PCDH7: variants seen among roughly 807,000 people sequenced by gnomAD.
PCDH7 encodes the protein protocadherin-7.
PCDH7 carries 17 observed loss-of-function variants against 58.9 expected under a neutral mutation model. The ratio of observed to expected loss-of-function variants is 0.29; its 90% CI spans 0.20 to 0.43. The LOEUF is 0.43. PCDH7 is among the 20% of genes least tolerant of loss of function. The pLI is 1.00. For missense variants in PCDH7, 1,274 were observed against 1,441.0 expected (o/e 0.88, Z 1.88); for synonymous variants, 664 against 616.4 (o/e 1.08, Z -1.14).
At chr4:31,082,828 A>C (rs557218589) in intron 3 of PCDH7, among the ~76,000 whole-genome samples, 1 of 152,190 alleles carries the variant, frequency 6.6e-6, no homozygotes, top group East Asian at 1.9e-4. Flanking sequence ...AGGGCCGGGC[A>C]CGGTGGCTCA....
chr4:31,039,352 T>C (rs1755663030), intron 3 of PCDH7, among the ~76,000 whole-genome samples: 1 of 152,224 alleles, frequency 6.6e-6, no homozygotes, highest in South Asian at 2.1e-4. Context: ...TGAAGTAAAA[T>C]AGTCTGTTGG....
chr4:30,893,822 T>C (rs570308047), intron 1 of PCDH7, among the ~76,000 whole-genome samples: 20 of 152,108 alleles, frequency 1.3e-4, no homozygotes, highest in Admixed American at 1.2e-3. Context: ...ATATGAAAAA[T>C]TGACTCTGCT....
intron 1 of PCDH7, among the ~76,000 whole-genome samples, chr4:30,871,588 C>G (rs746611094): frequency 2.0e-5 from 3 of 152,060 alleles, no homozygotes; most frequent in African/African-American, 7.2e-5. Flanking sequence ...AACAAAGTGT[C>G]GATGATCAGC....
intron 1 of PCDH7, among the ~76,000 whole-genome samples, chr4:30,754,018 T>C (rs1718927512): frequency 6.6e-6 from 1 of 152,222 alleles, no homozygotes; most frequent in African/African-American, 2.4e-5. Context: ...TTTTAAAATA[T>C]ATTTTTATAA....
chr4:30,973,351 G>A (rs1418811492), intron 3 of PCDH7, among the ~76,000 whole-genome samples: 1 of 152,086 alleles, frequency 6.6e-6, no homozygotes, highest in African/African-American at 2.4e-5. Flanking sequence ...GTATTACCTG[G>A]GGAGATGAGT....
intron 3 of PCDH7, among the ~76,000 whole-genome samples, chr4:31,117,413 A>G (rs1717133795): frequency 6.6e-6 from 1 of 151,972 alleles, no homozygotes; most frequent in Non-Finnish European, 1.5e-5. Flanking sequence ...CACGTTCAAG[A>G]CTCCCATATA....
intron 1 of PCDH7, among the ~76,000 whole-genome samples, chr4:30,852,080 C>G (rs188690457): frequency 4.6e-5 from 7 of 152,162 alleles, no homozygotes; most frequent in Admixed American, 3.9e-4. Flanking sequence ...TTAACCTCAA[C>G]AAAGCACCTA....
At chr4:31,024,572 A>T in intron 3 of PCDH7, among the ~76,000 whole-genome samples, 1 of 152,178 alleles carries the variant, frequency 6.6e-6, no homozygotes, top group East Asian at 1.9e-4. Flanking sequence ...AATACTGAAG[A>T]TGGATATATT....
chr4:30,821,535 G>T (rs13145415), intron 1 of PCDH7, among the ~76,000 whole-genome samples: 17,367 of 152,256 alleles, frequency 0.11, 1,278 homozygotes, highest in Middle Eastern at 0.2. Flanking sequence ...TCAAGGTCTC[G>T]TTCAGATGCT....
intron 3 of PCDH7, among the ~76,000 whole-genome samples, chr4:31,090,148 G>T (rs1025794298): frequency 1.3e-5 from 2 of 151,964 alleles, no homozygotes; most frequent in African/African-American, 4.8e-5. Context: ...AGCTTATTCA[G>T]GTCATTGTAC....
intron 3 of PCDH7, among the ~76,000 whole-genome samples, chr4:31,045,078 T>C (rs2109210907): frequency 6.6e-6 from 1 of 152,204 alleles, no homozygotes; most frequent in Admixed American, 6.5e-5. Flanking sequence ...AGCATATTAA[T>C]GAATGATTTG....
At chr4:31,036,063 A>G (rs1560592794) in intron 3 of PCDH7, among the ~76,000 whole-genome samples, 6 of 152,234 alleles carry the variant, frequency 3.9e-5, no homozygotes, top group Admixed American at 1.3e-4. Flanking sequence ...TAGAAACTTT[A>G]TAAGGTATTA....
intron 1 of PCDH7, among the ~76,000 whole-genome samples, chr4:30,859,574 G>A (rs1733927849): frequency 6.6e-6 from 1 of 151,728 alleles, no homozygotes; most frequent in Admixed American, 6.6e-5. Context: ...CGAGTAGCTG[G>A]GATTACAGGC....
intron 3 of PCDH7, among the ~76,000 whole-genome samples, chr4:31,016,853 G>T (rs1348692229): frequency 6.8e-6 from 1 of 147,986 alleles, no homozygotes; most frequent in Non-Finnish European, 1.5e-5. Context: ...GTGTGTGCTG[G>T]GTGTGTGTGT....
At chr4:30,861,272 AC>A (rs1306424629) in intron 1 of PCDH7, among the ~76,000 whole-genome samples, 1 of 151,962 alleles carries the variant, frequency 6.6e-6, no homozygotes, top group African/African-American at 2.4e-5. Context: ...TCTCTGATTC[AC>A]CCCCACTCTC....
intron 1 of PCDH7, among the ~76,000 whole-genome samples, chr4:30,775,411 G>A (rs1721933824): frequency 6.6e-6 from 1 of 152,082 alleles, no homozygotes; most frequent in Non-Finnish European, 1.5e-5. Flanking sequence ...GTGTGTGTGT[G>A]TATATTCAGA....
At chr4:30,878,112 T>C (rs1342087574) in intron 1 of PCDH7, among the ~76,000 whole-genome samples, 1 of 152,138 alleles carries the variant, frequency 6.6e-6, no homozygotes, top group African/African-American at 2.4e-5. Context: ...CACTGGCTTA[T>C]ACAAAGGAGG....
intron 1 of PCDH7, among the ~76,000 whole-genome samples, chr4:30,740,831 T>C (rs1161958433): frequency 6.6e-6 from 1 of 152,124 alleles, no homozygotes; most frequent in African/African-American, 2.4e-5. Context: ...TTTTAAAAAA[T>C]ATCATTTTAC....
intron 1 of PCDH7, among the ~76,000 whole-genome samples, chr4:30,770,619 A>G (rs1721281567): frequency 6.6e-6 from 1 of 152,216 alleles, no homozygotes; most frequent in South Asian, 2.1e-4. Context: ...CTTCTAGCTT[A>G]GAAGTTATAA....
Sources: allele counts gnomAD v4.1 joint callset (sites outside exome capture counted in the v4.1 genomes callset), GRCh38; gene constraint gnomAD v4.1.1; transcripts MANE v1.5; gene names NCBI Gene and HGNC (gene_info 2026-07-23, HGNC 2026-07-21).